Variants in EFHD1 observed in about 807,000 individuals in gnomAD.
The protein encoded by EFHD1 is EF-hand domain family member D1.
EFHD1 carries 10 observed loss-of-function variants against 17.2 expected under a neutral mutation model. That is an observed-to-expected ratio of 0.58 (90% CI 0.36 to 0.99). The LOEUF is 0.99. Ranked by LOEUF, EFHD1 falls within the 50% of genes least tolerant of loss-of-function variation. The pLI is 0.01. For missense variants in EFHD1, 310 were observed against 327.5 expected (o/e 0.95, Z 0.41); for synonymous variants, 153 against 142.0 (o/e 1.08, Z -0.55).
chr2:232,612,008 T>C (rs1391779574), intron 1 of EFHD1: 1 of 152,166 alleles, frequency 6.6e-6, no homozygotes, highest in Non-Finnish European at 1.5e-5. Context: ...ACAGCAGACA[T>C]GGATTATGAT....
intron 1 of EFHD1, among the ~76,000 whole-genome samples, chr2:232,657,205 C>T (rs933319388): frequency 6.6e-6 from 1 of 152,198 alleles, no homozygotes; most frequent in South Asian, 2.1e-4. Context: ...AACTCTGTCC[C>T]CATTCAACAC....
chr2:232,634,323 C>T (rs1220198695), intron 1 of EFHD1, among the ~76,000 whole-genome samples: 3 of 151,942 alleles, frequency 2.0e-5, no homozygotes, highest in African/African-American at 7.2e-5. Flanking sequence ...CGGAGATTTG[C>T]TCCGAAAGCA....
At chr2:232,652,240 G>A (rs1694669541) in intron 1 of EFHD1, among the ~76,000 whole-genome samples, 1 of 152,148 alleles carries the variant, frequency 6.6e-6, no homozygotes, top group Non-Finnish European at 1.5e-5. Context: ...CATGCTTTGA[G>A]GCCAAAATCA....
Position 232,627,036 on chromosome 2 carries a change from CTATATA to C in EFHD1, c.14+20887_14+20892del, listed in dbSNP as rs1178834241. Among the ~76,000 whole-genome samples the C allele has an allele frequency of 5.9e-3, 664 of 112,608 alleles. 11 individuals carry two copies. In the East Asian group the frequency reaches 0.068, roughly 12 times the overall value. The allele number at this position is 112,608 out of a possible 152,430, so 73.9% of individuals were successfully genotyped here. A position where few individuals can be genotyped will look rare whatever the true frequency, so the allele number is the denominator to read the frequency against. On this transcript the variant is annotated intron_variant, in intron 1 of 3. Coordinates refer to the EFHD1 transcript ENST00000409613. ...CCTGTCTCTCTCTCTCTCTCTCTCT[CTATATA>C]TATATATATATATATATATATATTT...
chr2:232,681,006 A>G (rs1695269831), intron 3 of EFHD1, among the ~76,000 whole-genome samples: 1 of 149,790 alleles, frequency 6.7e-6, no homozygotes, highest in Admixed American at 6.6e-5. Flanking sequence ...AAATACAAAA[A>G]TTAACCAGGC....
At chr2:232,634,313 C>T (rs989606077) in intron 1 of EFHD1, among the ~76,000 whole-genome samples, 2 of 152,214 alleles carry the variant, frequency 1.3e-5, no homozygotes, top group African/African-American at 2.4e-5. Context: ...CCCGCCAGTC[C>T]GGAGATTTGC....
chr2:232,609,818 C>T (rs1693779211), intron 1 of EFHD1, among the ~76,000 whole-genome samples: 1 of 152,218 alleles, frequency 6.6e-6, no homozygotes, highest in African/African-American at 2.4e-5. Flanking sequence ...ACAAAAACTC[C>T]AGGTGTGCCC....
chr2:232,666,206 T>C (rs148272556), intron 2 of EFHD1, among the ~76,000 whole-genome samples: 157 of 152,288 alleles, frequency 1.0e-3, no homozygotes, highest in African/African-American at 3.7e-3. Flanking sequence ...CTCTGGATGA[T>C]CTCATCCAGC....
rs1429910850 is a variant in EFHD1, at chr2:232,682,590, C to G, written c.*871C>G. On this transcript the variant is annotated 3_prime_UTR_variant, in exon 4 of 4. Transcript: ENST00000264059. ...AAGTCATGGCCATACTCACCATTAGCCAGTTTCTAACATCTGTTTCAGGGT... is the reference window on the plus strand; with the variant it reads ...AAGTCATGGCCATACTCACCATTAGGCAGTTTCTAACATCTGTTTCAGGGT... The G allele has an allele frequency of 6.6e-6, 1 of 152,174 alleles. No homozygotes were observed. Among genetic ancestry groups the G allele is most frequent in the Non-Finnish European group, 1.5e-5 (1 of 68,042 alleles). 9.4% of individuals were successfully genotyped at this position (152,174 alleles called of 1,614,324 possible).
intron 2 of EFHD1, among the ~76,000 whole-genome samples, chr2:232,667,163 A>G (rs1274474075): frequency 1.3e-5 from 2 of 152,026 alleles, no homozygotes; most frequent in African/African-American, 4.8e-5. Context: ...AGACTGCACA[A>G]TTTTGTTAGG....
chr2:232,640,657 T>C (rs749352119), intron 1 of EFHD1, among the ~76,000 whole-genome samples: 9 of 152,088 alleles, frequency 5.9e-5, no homozygotes, highest in Non-Finnish European at 1.2e-4. Context: ...TGATGCTGTT[T>C]GGATGGGAGG....
At chr2:232,675,203 A>AAAGG (rs199527017) in intron 3 of EFHD1, among the ~76,000 whole-genome samples, 11,070 of 149,204 alleles carry the variant, frequency 0.074, 842 homozygotes, top group East Asian at 0.21. Flanking sequence ...GAGAGAAAAG[A>AAAGG]AAGGAAGGAA....
At chr2:232,662,745 T>G in intron 1 of EFHD1, 57 bp from the exon 2 acceptor site, 1 of 1,546,748 alleles carries the variant, frequency 6.5e-7, no homozygotes, top group South Asian at 1.3e-5. Context: ...GAATTACATG[T>G]TTCGGAGACT....
chr2:232,646,054 G>C (rs1269167284), intron 1 of EFHD1, among the ~76,000 whole-genome samples: 1 of 152,164 alleles, frequency 6.6e-6, no homozygotes, highest in African/African-American at 2.4e-5. Flanking sequence ...CACCTGCCCT[G>C]AGCCTGTAGT....
intron 2 of EFHD1, among the ~76,000 whole-genome samples, chr2:232,667,323 G>A (rs1694985222): frequency 6.6e-6 from 1 of 152,096 alleles, no homozygotes; most frequent in Admixed American, 6.5e-5. Context: ...AATTGGGGCT[G>A]AAGTGCTCCG....
intron 1 of EFHD1, 128 bp downstream of exon 1, chr2:232,634,134 G>A: frequency 6.9e-7 from 1 of 1,452,684 alleles, no homozygotes; most frequent in Non-Finnish European, 9.0e-7. Context: ...TTGGCCCAAC[G>A]CAGCCAGATC....
At chr2:232,639,837 TC>T (rs1048878850) in intron 1 of EFHD1, among the ~76,000 whole-genome samples, 4 of 152,166 alleles carry the variant, frequency 2.6e-5, no homozygotes, top group Non-Finnish European at 4.4e-5. Flanking sequence ...GCTTTAGACT[TC>T]ACAAATCTCT....
At chr2:232,652,885 A>G (rs1400288725) in intron 1 of EFHD1, among the ~76,000 whole-genome samples, 1 of 152,158 alleles carries the variant, frequency 6.6e-6, no homozygotes, top group African/African-American at 2.4e-5. Flanking sequence ...GAAGAGAGAA[A>G]GATAGGTTTC....
chr2:232,611,910 AG>A (rs1436572087), intron 1 of EFHD1: 1 of 152,242 alleles, frequency 6.6e-6, no homozygotes, highest in African/African-American at 2.4e-5. Flanking sequence ...ATGTGGTAGC[AG>A]GGGGTTAGGT....
Sources: gnomAD v4.1 joint callset for allele counts (sites outside exome capture counted in the v4.1 genomes callset) on GRCh38, gnomAD v4.1.1 for gene constraint, MANE v1.5 for transcripts, NCBI Gene and HGNC (gene_info 2026-07-23, HGNC 2026-07-21) for gene names.